The following TNC variants were observed in gnomAD, a reference collection of about 807,000 sequenced individuals.
TNC encodes tenascin.
Under a neutral mutation model 202.4 loss-of-function variants are expected in TNC, and 109 were observed. The ratio of observed to expected loss-of-function variants is 0.54; its 90% CI spans 0.46 to 0.63. The LOEUF (loss-of-function observed/expected upper bound fraction) is 0.63, where lower values mean the gene tolerates loss of function less well. TNC is among the 30% of genes least tolerant of loss of function. TNC has a pLI of 0.00. For missense variants in TNC, 2,756 were observed against 2,833.3 expected (o/e 0.97, Z 0.62); for synonymous variants, 1,007 against 1,089.7 (o/e 0.92, Z 1.50).
chr9:115,065,017 C>T (rs1832838385), intron 10 of TNC, 98 bp from the exon 11 acceptor site: 1 of 1,390,572 alleles, frequency 7.2e-7, no homozygotes, highest in East Asian at 2.3e-5. Flanking sequence ...ATCTATAGGC[C>T]ATTGCAGTCC....
rs755576352 is a variant in TNC, at chr9:115,064,685, C to T, written c.3449G>A (p.Gly1150Asp). 2.1e-5 allele frequency: 34 copies of T among 1,613,926 alleles called. No individual in the cohort carries two copies. Among genetic ancestry groups the T allele is most frequent in the Non-Finnish European group, 2.6e-5 (31 of 1,179,916 alleles). ...AGCAGAGAGCACTGGTGTTCTATAG[C>T]CCTGGATCACCCCATAGATGGAGAC... Reference protein sequence around the residue: ...YTVSIYGVIQGYRTPVLSAEA... With the variant: ...YTVSIYGVIQDYRTPVLSAEA... Residue 1150 changes from glycine (G) to aspartate (D), a missense_variant, in exon 11 of 28, where the codon GGC becomes GAC. This residue lies in a region of TNC where 2,559 missense variants were observed against 2,546.0 expected (regional missense o/e 1.01). Transcript: ENST00000350763.
chr9:115,029,395 G>T lies in TNC; in HGVS notation c.6134C>A (p.Ala2045Asp). 1 of 1,614,124 alleles carries T rather than the reference G, an allele frequency of 6.2e-7. No individual in the cohort carries two copies. Among genetic ancestry groups the T allele is most frequent in the Non-Finnish European group, 8.5e-7 (1 of 1,180,012 alleles). ...NFYQNWKAYA[A>D]GFGDRREEFW... ...TTCTTCTCTGCGGTCCCCAAATCCA[G>T]CAGCATATGCCTTCCAGTTTTGGTA... Residue 2045 changes from alanine to aspartate, a missense_variant, in exon 25 of 28, where the codon GCT becomes GAT. Ala to Asp is a moderately radical substitution (Grantham distance 126, BLOSUM62 -2). Transcript: ENST00000350763.
At position 115,030,240 on chromosome 9, in the gene TNC, C is replaced by T. The variant is rs1259765032; in HGVS notation, c.6072+14G>A. On this transcript the variant is annotated intron_variant, in intron 24 of 27. Coordinates refer to ENST00000350763, the MANE Select transcript of TNC (RefSeq NM_002160.4). ...CCTAGGCCTGAGGGCTCTGCAGTCC[C>T]TGGTGGTACTCACAATCCATCCACC... The T allele has an allele frequency of 6.2e-7, 1 of 1,603,120 alleles. No individual in the cohort carries two copies. The highest frequency in any genetic ancestry group is 1.1e-5 in the South Asian group (1 of 90,248).
chr9:115,039,538 C>T (rs1226977745), intron 19 of TNC, among the ~76,000 whole-genome samples: 1 of 152,216 alleles, frequency 6.6e-6, no homozygotes, highest in Non-Finnish European at 1.5e-5. Flanking sequence ...TTCTCAGAAG[C>T]CAGCATGAAT....
intron 18 of TNC, among the ~76,000 whole-genome samples, chr9:115,041,316 AAAC>A (rs1830739246): frequency 7.8e-6 from 1 of 128,210 alleles, no homozygotes; most frequent in African/African-American, 3.3e-5. Context: ...GGGCGGGGGA[AAAC>A]ATGAAGTCAC....
rs200783075 is a variant in TNC, at chr9:115,078,094, G to A, written c.2523C>T (p.Asp841=). 148 of 1,614,070 alleles carry A rather than the reference G, an allele frequency of 9.2e-5. No homozygotes were observed. In the East Asian group the frequency reaches 2.1e-3, roughly 23 times the overall value. Residue 841 remains aspartate, a synonymous_variant, in exon 7 of 28, where the codon GAC becomes GAT. Transcript: ENST00000350763. Reference sequence around the variant, plus strand: ...CGATGGTGGTACGGTCTCCTGGCACGTCTTTGATGCCGTAGGTCAGCTCAA... The same window carrying A: ...CGATGGTGGTACGGTCTCCTGGCACATCTTTGATGCCGTAGGTCAGCTCAA... ...DGIELTYGIK[D]VPGDRTTIDL...
At position 115,114,361 on chromosome 9, in the gene TNC, A is replaced by G. The variant is rs901713861; in HGVS notation, c.-137+3621T>C. Among the ~76,000 whole-genome samples the G allele has an allele frequency of 3.9e-5, 6 of 152,346 alleles. No individual in the cohort carries two copies. The South Asian group carries it at 8.3e-4, about 21-fold the overall frequency. On this transcript the variant is annotated intron_variant, in intron 1 of 27. Transcript: ENST00000350763. Reference sequence around the variant, plus strand: ...AGCTGTCCTGGGATTCATGGCCCCAAGGCCGATTTCACTTTACCTACCAAT... The same window carrying G: ...AGCTGTCCTGGGATTCATGGCCCCAGGGCCGATTTCACTTTACCTACCAAT...
At position 115,042,302 on chromosome 9, in the gene TNC, G is replaced by A; in HGVS notation, c.5165C>T (p.Thr1722Ile). Reference sequence around the variant, plus strand: ...CCAGCTGACAGTAGCCGAATTTTCAGTGATGTCTGAGAAAATGACTTCCTT... The same window carrying A: ...CCAGCTGACAGTAGCCGAATTTTCAATGATGTCTGAGAAAATGACTTCCTT... The part of the protein sequence containing the change: ...SPKEVIFSDI[T>I]ENSATVSWRA... The change falls in exon 18 of 28, where the codon ACT (threonine) becomes ATT (isoleucine). Residue 1722 changes from threonine to isoleucine, a missense_variant. Transcript: ENST00000350763. 2 of 1,614,152 alleles carry A rather than the reference G, an allele frequency of 1.2e-6. No individual in the cohort carries two copies. The highest frequency in any genetic ancestry group is 8.5e-7 in the Non-Finnish European group (1 of 1,179,990).
rs772157966 is a variant in TNC at position 115,046,453 on chromosome 9, G to C, written c.5082C>G (p.Ser1694Arg). 2 of 1,614,116 alleles carry C rather than the reference G, an allele frequency of 1.2e-6. No homozygotes were observed. The highest frequency in any genetic ancestry group is 1.6e-4 in the Middle Eastern group (1 of 6,062). ...TGACTGTCTGGGATCGCCTTCCTTT[G>C]CTTATTCCATAGAGTTCAATTTCGT... ...TEYEIELYGI[S>R]KGRRSQTVSA... The change falls in exon 17 of 28, where the codon AGC becomes AGG. Residue 1694 changes from serine (S) to arginine (R), a missense_variant. Coordinates refer to ENST00000350763, the MANE Select transcript of TNC (RefSeq NM_002160.4).
At chr9:115,087,925 A>C (rs572857001) in intron 2 of TNC, among the ~76,000 whole-genome samples, 1 of 152,050 alleles carries the variant, frequency 6.6e-6, no homozygotes, top group East Asian at 1.9e-4. Flanking sequence ...GGATGGTCTC[A>C]ATATCCTGAC....
chr9:115,031,470 A>G (rs1829941141), intron 23 of TNC, 83 bp downstream of exon 23: 2 of 1,366,282 alleles, frequency 1.5e-6, no homozygotes, highest in Admixed American at 2.9e-5. Flanking sequence ...TGAAAATTTT[A>G]AAGTAGAAGT....
At chr9:115,060,153 G>T (rs143063564) in intron 13 of TNC, 151 bp from the exon 14 acceptor site, 1 of 857,304 alleles carries the variant, frequency 1.2e-6, no homozygotes, top group African/African-American at 1.7e-5. Flanking sequence ...TTTGAACTGT[G>T]GTTCCCTGGC....
intron 14 of TNC, 129 bp downstream of exon 14, chr9:115,059,601 A>G (rs1040193387): frequency 4.1e-6 from 4 of 984,380 alleles, no homozygotes; most frequent in Non-Finnish European, 3.0e-6. Context: ...GTCTCTGAGC[A>G]TGCACAGCCG....
intron 10 of TNC, 77 bp from the exon 11 acceptor site, chr9:115,064,996 C>G (rs553768744): frequency 1.2e-5 from 18 of 1,521,220 alleles, no homozygotes; most frequent in Non-Finnish European, 1.8e-6. Flanking sequence ...GAATGGCAAA[C>G]CCAATGCCAC....
At chr9:115,021,312 T>G in intron 27 of TNC, 45 bp from the exon 28 acceptor site, 11 of 1,420,598 alleles carry the variant, frequency 7.7e-6, no homozygotes, top group Non-Finnish European at 8.8e-6. Flanking sequence ...AGAGAAGGCC[T>G]CCAGGTTGGT....
intron 6 of TNC, among the ~76,000 whole-genome samples, chr9:115,081,444 G>C (rs1834295858): frequency 6.6e-6 from 1 of 152,142 alleles, no homozygotes; most frequent in Non-Finnish European, 1.5e-5. Flanking sequence ...CAATAGCTGT[G>C]TGAACAGGAC....
chr9:115,095,225 AAC>A (rs1215153394), intron 1 of TNC, among the ~76,000 whole-genome samples: 1 of 152,008 alleles, frequency 6.6e-6, no homozygotes, highest in African/African-American at 2.4e-5. Flanking sequence ...AGAAATGGCA[AAC>A]AGTCTTTGGT....
chr9:115,078,076 G>C lies in TNC; in HGVS notation c.2541C>G (p.Thr847=), dbSNP rs758507259. 6.2e-7 allele frequency: 1 copy of C among 1,614,178 alleles called. No individual in the cohort carries two copies. The highest frequency in any genetic ancestry group is 1.1e-5 in the South Asian group (1 of 91,082). ...YGIKDVPGDR[T]TIDLTEDENQ... The stretch of plus-strand genomic sequence containing the variant: ...TCTCGTCCTCTGTGAGATCGATGGT[G>C]GTACGGTCTCCTGGCACGTCTTTGA... The change falls in exon 7 of 28, where the codon ACC becomes ACG. Residue 847 remains threonine (T), a synonymous_variant. Transcript: ENST00000350763.
rs1055243676 is a variant in TNC, at chr9:115,118,058, G to C, written c.-213C>G. On this transcript the variant is annotated 5_prime_UTR_variant, in exon 1 of 28. Transcript: ENST00000350763. Reference sequence around the variant, plus strand: ...GAGCTGCGGCGGTTCCCACGTGCGCGTTCCCCCGAGTTCCCCAGCAGCGCT... The same window carrying C: ...GAGCTGCGGCGGTTCCCACGTGCGCCTTCCCCCGAGTTCCCCAGCAGCGCT... 7 of 151,692 alleles carry C rather than the reference G, an allele frequency of 4.6e-5. No individual in the cohort carries two copies. The highest frequency in any genetic ancestry group is 1.7e-4 in the African/African-American group (7 of 41,236). The allele number at this position is 151,692 out of a possible 1,614,324, so 9.4% of individuals were successfully genotyped here.
Sources: gnomAD v4.1 joint callset for allele counts (sites outside exome capture counted in the v4.1 genomes callset) on GRCh38, gnomAD v4.1.1 for gene constraint, gnomAD v4.1.1 regional missense constraint, MANE v1.5 for transcripts, NCBI Gene and HGNC (gene_info 2026-07-23, HGNC 2026-07-21) for gene names.